The following PAQR9 variants were observed in gnomAD, a reference collection of about 807,000 sequenced individuals.
The protein encoded by PAQR9 is membrane progestin receptor epsilon.
Under a neutral mutation model 24.0 loss-of-function variants are expected in PAQR9, and 12 were observed. The ratio of observed to expected loss-of-function variants is 0.50; its 90% CI spans 0.32 to 0.81. The LOEUF is 0.81. PAQR9 is among the 30% of genes least tolerant of loss of function. The pLI is 0.03. For missense variants in PAQR9, 418 were observed against 520.8 expected (o/e 0.80, Z 1.92); for synonymous variants, 266 against 237.6 (o/e 1.12, Z -1.10).
chr3:142,962,145 G>T lies in PAQR9; in HGVS notation c.*58C>A. 1.3e-6 allele frequency: 2 copies of T among 1,525,184 alleles called. No homozygotes were observed. Among genetic ancestry groups the T allele is most frequent in the Non-Finnish European group, 1.8e-6 (2 of 1,118,832 alleles). 94.5% of individuals were successfully genotyped at this position (1,525,184 alleles called of 1,614,324 possible). A position where few individuals can be genotyped will look rare whatever the true frequency, so the allele number is the denominator to read the frequency against. The stretch of plus-strand genomic sequence containing the variant: ...GAAATTTGAAAACAAACCAACAATA[G>T]CAACAACAGAAACTCCAAACAGATG... On this transcript the variant is annotated 3_prime_UTR_variant, in exon 1 of 1. Coordinates refer to ENST00000340634, the MANE Select transcript of PAQR9 (RefSeq NM_198504.4).
At chr3:142,952,056 G>GA (rs1491369586), downstream of PAQR9, among the ~76,000 whole-genome samples, 35 of 148,224 alleles carry the variant, frequency 2.4e-4, no homozygotes, top group Non-Finnish European at 3.6e-4. Flanking sequence ...AAGGGGGGGG[G>GA]GTGTTGTTAG....
Position 142,959,196 on chromosome 3 carries a change from T to TA in PAQR9, c.*3006dup, listed in dbSNP as rs1233927984. 3.3e-5 allele frequency among the ~76,000 whole-genome samples: 5 copies of TA among 152,260 alleles called. No individual in the cohort carries two copies. The highest frequency in any genetic ancestry group is 1.2e-4 in the African/African-American group (5 of 41,480). On this transcript the variant is annotated 3_prime_UTR_variant, in exon 1 of 1. Transcript: ENST00000340634. ...AACACAATAAAGTAAAACTGAATTT[T>TA]AATGTGGCAAAATGGAAAGTGTGAA...
Position 142,963,060 on chromosome 3 carries a change from G to C in PAQR9, c.277C>G (p.Pro93Ala), listed in dbSNP as rs774478385. The C allele has an allele frequency of 6.2e-7, 1 of 1,614,184 alleles. No individual in the cohort carries two copies. Among genetic ancestry groups the C allele is most frequent in the African/African-American group, 1.3e-5 (1 of 75,076 alleles). ...ETLNFWTHFI[P>A]LLLFLSKFCR... is the part of the protein sequence containing the mutation. ...AACTTGCTCAGGAACAGCAGCAGCG[G>C]GATGAAGTGCGTCCAGAAGTTGAGC... is the stretch of plus-strand genomic sequence containing the variant. Residue 93 changes from proline to alanine, a missense_variant, in exon 1 of 1, where the codon CCG (proline) becomes GCG (alanine). This residue lies in a region of PAQR9 where 180 missense variants were observed against 190.3 expected (regional missense o/e 0.95). Coordinates refer to ENST00000340634, the MANE Select transcript of PAQR9 (RefSeq NM_198504.4).
At position 142,962,718 on chromosome 3, in the gene PAQR9, C is replaced by T. The variant is rs577574240; in HGVS notation, c.619G>A (p.Ala207Thr). 2.5e-6 allele frequency: 4 copies of T among 1,612,402 alleles called. No individual in the cohort carries two copies. In the South Asian group the frequency reaches 4.4e-5, roughly 18 times the overall value. ...GGCAGCACCAGGGCGCGGTAGGCGG[C>T]GATAAGGCGCGTGCAGTCCACGTGC... ...GWHVDCTRLI[A>T]AYRALVLPVA... The change falls in exon 1 of 1, where the codon GCC (alanine) becomes ACC (threonine). Residue 207 changes from alanine to threonine, a missense_variant. By Grantham distance (58) the Ala-to-Thr change is moderately conservative. Transcript: ENST00000340634.
rs922437680 is a variant in PAQR9 at position 142,955,947 on chromosome 3, T to A, written c.*6256A>T. ...TTTTTAAAGACCTACTAGGTCTTTA[T>A]CATTTGAGTAAGAGCTCAAGGTGAT... On this transcript the variant is annotated 3_prime_UTR_variant, in exon 1 of 1. Coordinates refer to ENST00000340634, the MANE Select transcript of PAQR9 (RefSeq NM_198504.4). 6.6e-6 allele frequency among the ~76,000 whole-genome samples: 1 copy of A among 152,200 alleles called. No homozygotes were observed. Among genetic ancestry groups the A allele is most frequent in the African/African-American group, 2.4e-5 (1 of 41,464 alleles).
Position 142,963,290 on chromosome 3 carries a change from G to C in PAQR9, c.47C>G (p.Pro16Arg). The C allele has an allele frequency of 2.7e-6, 4 of 1,459,806 alleles. No individual in the cohort carries two copies. Among genetic ancestry groups the C allele is most frequent in the South Asian group, 1.4e-5 (1 of 72,208 alleles). 90.4% of individuals were successfully genotyped at this position (1,459,806 alleles called of 1,614,324 possible). ...CCCCGAAGCTGCCGGGGCCGGGGCC[G>C]GAGGGCCTTTTGTGCCCGCGCCCCG... The part of the protein sequence containing the change: ...QPRGAGTKGP[P>R]APAPAASGAA... Residue 16 changes from proline to arginine, a missense_variant, in exon 1 of 1, where the codon CCG becomes CGG. Around this residue, in one of 3 missense-constraint regions of PAQR9, gnomAD observed 180 missense variants for 190.3 expected, o/e 0.95. Coordinates refer to ENST00000340634, the MANE Select transcript of PAQR9 (RefSeq NM_198504.4).
chr3:142,951,225 T>C (rs886513462), downstream of PAQR9, among the ~76,000 whole-genome samples: 3 of 152,224 alleles, frequency 2.0e-5, no homozygotes, highest in East Asian at 1.9e-4. Context: ...CTGGATTTAT[T>C]TGAGACTTTT....
chr3:142,963,702 C>T (rs980260995), upstream of PAQR9: 36 of 737,398 alleles, frequency 4.9e-5, no homozygotes, highest in Admixed American at 5.1e-4. Context: ...GGTGCCTCCG[C>T]CGCCGCCGCC....
Position 142,962,074 on chromosome 3 carries a change from C to T in PAQR9, c.*129G>A. ...TCCCTTTGTAGCAGTGAACTTTTTC[C>T]CTATGGTTTTGCAGCACCTTCCTTG... On this transcript the variant is annotated 3_prime_UTR_variant, in exon 1 of 1. Coordinates refer to ENST00000340634, the MANE Select transcript of PAQR9 (RefSeq NM_198504.4). 8.7e-7 allele frequency: 1 copy of T among 1,146,908 alleles called. No homozygotes were observed. Among genetic ancestry groups the T allele is most frequent in the Non-Finnish European group, 1.2e-6 (1 of 804,672 alleles). The allele number at this position is 1,146,908 out of a possible 1,614,324, so 71.0% of individuals were successfully genotyped here.
chr3:142,957,362 T>G lies in PAQR9; in HGVS notation c.*4841A>C, dbSNP rs974361874. The stretch of plus-strand genomic sequence containing the variant: ...AACTTGCTGCCCCATTCTGACTGTT[T>G]GACTCTAATCCTCTTTGTTCTCCCC... On this transcript the variant is annotated 3_prime_UTR_variant, in exon 1 of 1. Transcript: ENST00000340634. Among the ~76,000 whole-genome samples the G allele has an allele frequency of 6.6e-6, 1 of 152,220 alleles. No individual in the cohort carries two copies. Among genetic ancestry groups the G allele is most frequent in the African/African-American group, 2.4e-5 (1 of 41,462 alleles).
In PAQR9 at chr3:142,962,010, T is replaced by C. The variant is rs1934899937; in HGVS notation, c.*193A>G. Reference sequence around the variant, plus strand: ...TATCTCCCTCCCGCTTGACCACCCCTGCCAACCTCCCTACTTCAAAGCCTC... The same window carrying C: ...TATCTCCCTCCCGCTTGACCACCCCCGCCAACCTCCCTACTTCAAAGCCTC... On this transcript the variant is annotated 3_prime_UTR_variant, in exon 1 of 1. Coordinates refer to ENST00000340634, the MANE Select transcript of PAQR9 (RefSeq NM_198504.4). 3 of 649,752 alleles carry C rather than the reference T, an allele frequency of 4.6e-6. No homozygotes were observed. The highest frequency in any genetic ancestry group is 4.1e-4 in the Middle Eastern group (1 of 2,418). 40.2% of individuals were successfully genotyped at this position (649,752 alleles called of 1,614,324 possible). A position where few individuals can be genotyped will look rare whatever the true frequency, so the allele number is the denominator to read the frequency against.
Position 142,962,106 on chromosome 3 carries a change from G to A in PAQR9, c.*97C>T. 7.2e-7 allele frequency: 1 copy of A among 1,391,536 alleles called. No individual in the cohort carries two copies. The highest frequency in any genetic ancestry group is 9.9e-7 in the Non-Finnish European group (1 of 1,012,358). 86.2% of individuals were successfully genotyped at this position (1,391,536 alleles called of 1,614,324 possible). ...TTTTGCAGCACCTTCCTTGAGCAAA[G>A]AAGAAAACACAATGAAATTTGAAAA... is the stretch of plus-strand genomic sequence containing the variant. On this transcript the variant is annotated 3_prime_UTR_variant, in exon 1 of 1. Coordinates refer to ENST00000340634, the MANE Select transcript of PAQR9 (RefSeq NM_198504.4).
At position 142,961,994 on chromosome 3, in the gene PAQR9, C is replaced by T; in HGVS notation, c.*209G>A. On this transcript the variant is annotated 3_prime_UTR_variant, in exon 1 of 1. Transcript: ENST00000340634. ...GGCAAGAACAAGTGACTATCTCCCT[C>T]CCGCTTGACCACCCCTGCCAACCTC... 1.7e-6 allele frequency: 1 copy of T among 579,822 alleles called. No homozygotes were observed. 35.9% of individuals were successfully genotyped at this position (579,822 alleles called of 1,614,324 possible).
chr3:142,960,911 C>T lies in PAQR9; in HGVS notation c.*1292G>A, dbSNP rs1033994027. On this transcript the variant is annotated 3_prime_UTR_variant, in exon 1 of 1. Transcript: ENST00000340634. ...GTGACAACTCAATAATGTGCTCCTGCCTTTCATAATAAAACTGCCTTGTTT... is the reference window on the plus strand; with the variant it reads ...GTGACAACTCAATAATGTGCTCCTGTCTTTCATAATAAAACTGCCTTGTTT... 7 of 152,192 alleles carry T rather than the reference C, an allele frequency of 4.6e-5. No individual in the cohort carries two copies. Among genetic ancestry groups the T allele is most frequent in the African/African-American group, 1.7e-4 (7 of 41,460 alleles). 9.4% of individuals were successfully genotyped at this position (152,192 alleles called of 1,614,324 possible).
Position 142,962,454 on chromosome 3 carries a change from T to C in PAQR9, c.883A>G (p.Ile295Val). 6.2e-7 allele frequency: 1 copy of C among 1,613,808 alleles called. No individual in the cohort carries two copies. Among genetic ancestry groups the C allele is most frequent in the Non-Finnish European group, 8.5e-7 (1 of 1,179,948 alleles). ...VVAAFFNVSK[I>V]PERIQPGLFD... ...AGACCCGGCTGGATGCGCTCGGGGA[T>C]CTTGCTCACGTTGAAGAAGGCGGCC... is the stretch of plus-strand genomic sequence containing the variant. The change falls in exon 1 of 1, where the codon ATC becomes GTC. Residue 295 changes from isoleucine (I) to valine (V), a missense_variant. Physicochemically the swap from Ile to Val is conservative, Grantham distance 29. This residue lies in a region of PAQR9 where 230 missense variants were observed against 305.2 expected (regional missense o/e 0.75). Coordinates refer to ENST00000340634, the MANE Select transcript of PAQR9 (RefSeq NM_198504.4).
chr3:142,951,430 A>G (rs1442013305), downstream of PAQR9: 1 of 184,870 alleles, frequency 5.4e-6, no homozygotes. Flanking sequence ...AAGATAAAAA[A>G]TTCAAGGCCC....
chr3:142,963,145 C>G lies in PAQR9; in HGVS notation c.192G>C (p.Arg64=), dbSNP rs767014306. 119 of 1,608,408 alleles carry G rather than the reference C, an allele frequency of 7.4e-5. No individual in the cohort carries two copies. Among genetic ancestry groups the G allele is most frequent in the Admixed American group, 6.8e-5 (4 of 59,016 alleles). Residue 64 remains arginine (R), a synonymous_variant, in exon 1 of 1, where the codon CGG becomes CGC. Transcript: ENST00000340634. ...FVECFILSGY[R]RLPCTAQECL... ...ACTCCTGGGCCGTGCACGGCAGACG[C>G]CGGTAGCCCGACAGGATGAAGCACT...
rs746642056 is a variant in PAQR9 at position 142,957,766 on chromosome 3, GTACAT to G, written c.*4432_*4436del. On this transcript the variant is annotated 3_prime_UTR_variant, in exon 1 of 1. Transcript: ENST00000340634. ...TGCCGACTATCCCCTCACTTGGATT[GTACAT>G]TACATTTTCAAGTTATTTTTAACAA... Among the ~76,000 whole-genome samples the G allele has an allele frequency of 6.6e-6, 1 of 152,064 alleles. No homozygotes were observed. Among genetic ancestry groups the G allele is most frequent in the Non-Finnish European group, 1.5e-5 (1 of 68,010 alleles).
downstream of PAQR9, among the ~76,000 whole-genome samples, chr3:142,954,266 A>G (rs1934760055): frequency 6.6e-6 from 1 of 152,230 alleles, no homozygotes; most frequent in African/African-American, 2.4e-5. Flanking sequence ...CATGGACTCT[A>G]TATGCTTTTG....
Sources: gnomAD v4.1 joint callset for allele counts (sites outside exome capture counted in the v4.1 genomes callset) on GRCh38, gnomAD v4.1.1 for gene constraint, gnomAD v4.1.1 regional missense constraint, MANE v1.5 for transcripts, NCBI Gene and HGNC (gene_info 2026-07-23, HGNC 2026-07-21) for gene names.